OCA2: variants seen among roughly 807,000 people sequenced by gnomAD.
OCA2 encodes the protein P protein.
OCA2 carries 77 observed loss-of-function variants against 100.2 expected under a neutral mutation model. That is an observed-to-expected ratio of 0.77 (90% confidence interval 0.64 to 0.93). OCA2 has a LOEUF of 0.93. OCA2 is among the 40% of genes least tolerant of loss of function. The probability of loss-of-function intolerance (pLI) is 0.00; values close to 1 mark genes in which losing one functional copy is unlikely to be tolerated. For synonymous variants in OCA2, 432 were observed against 439.2 expected (o/e 0.98, Z 0.21); for missense variants, 1,062 against 1,089.1 (o/e 0.98, Z 0.35).
chr15:27,843,688 C>A (rs1349149759), intron 23 of OCA2, among the ~76,000 whole-genome samples: 1 of 152,156 alleles, frequency 6.6e-6, no homozygotes, highest in Non-Finnish European at 1.5e-5. Context: ...CAAATTAATG[C>A]CTCAGCAAAA....
chr15:28,005,529 C>A (rs907360512), intron 9 of OCA2, among the ~76,000 whole-genome samples: 19 of 152,126 alleles, frequency 1.2e-4, no homozygotes, highest in African/African-American at 4.6e-4. Context: ...CTCACCTTCC[C>A]CTAACACCCA....
At chr15:28,090,129 G>T (rs2044847642) in intron 1 of OCA2, among the ~76,000 whole-genome samples, 1 of 152,052 alleles carries the variant, frequency 6.6e-6, no homozygotes, top group South Asian at 2.1e-4. Flanking sequence ...TGATAAAAAG[G>T]TCACTTTACC....
chr15:27,747,133 C>T, the OCA2 span, among the ~76,000 whole-genome samples: 1 of 152,178 alleles, frequency 6.6e-6, no homozygotes, highest in African/African-American at 2.4e-5. Flanking sequence ...CAGTGAGCAC[C>T]TCCAGCCCCC....
Position 27,851,421 on chromosome 15 carries a change from G to A in OCA2, c.2299C>T (p.Pro767Ser). ...CCGAAGGCCAGGGCATACATGAGCG[G>A]CGGTGCGGGCAGGCCAACCTCAGGG... ...HDPEVGLPAP[P>S]LMYALAFGAC... Residue 767 changes from proline to serine, a missense_variant, in exon 22 of 24, where the codon CCG (proline) becomes TCG (serine). Coordinates refer to ENST00000354638, the MANE Select transcript of OCA2 (RefSeq NM_000275.3). 3 of 1,614,010 alleles carry A rather than the reference G, an allele frequency of 1.9e-6. No individual in the cohort carries two copies. Among genetic ancestry groups the A allele is most frequent in the Non-Finnish European group, 2.5e-6 (3 of 1,179,986 alleles).
intron 18 of OCA2, among the ~76,000 whole-genome samples, chr15:27,944,543 C>G (rs1440574637): frequency 6.6e-6 from 1 of 152,144 alleles, no homozygotes; most frequent in African/African-American, 2.4e-5. Context: ...TATTGGAGAG[C>G]CTAAGACTGG....
rs906070040 is a variant in OCA2 at position 28,079,278 on chromosome 15, C to G, written c.227+2370G>C. Among the ~76,000 whole-genome samples, 3 of 149,304 alleles carry G rather than the reference C, an allele frequency of 2.0e-5. No individual in the cohort carries two copies. In the East Asian group the frequency reaches 6.0e-4, roughly 30 times the overall value. On this transcript the variant is annotated intron_variant, in intron 2 of 23. Transcript: ENST00000354638. Reference sequence around the variant, plus strand: ...ATGGTAGATTCAAAGACTTACGTATCTTTTCTCTGATAAGATTACTGTTTT... The same window carrying G: ...ATGGTAGATTCAAAGACTTACGTATGTTTTCTCTGATAAGATTACTGTTTT...
chr15:27,986,808 C>T (rs2041369908), intron 11 of OCA2, among the ~76,000 whole-genome samples, 165 bp from the exon 12 acceptor site: 1 of 152,210 alleles, frequency 6.6e-6, no homozygotes, highest in African/African-American at 2.4e-5. Context: ...TGGAATAGTA[C>T]ACTCACTCAC....
At chr15:28,021,608 G>A (rs543979611) in intron 6 of OCA2, among the ~76,000 whole-genome samples, 1 of 152,296 alleles carries the variant, frequency 6.6e-6, no homozygotes, top group Non-Finnish European at 1.5e-5. Flanking sequence ...TTTCCTCCAG[G>A]AACCCCAGCG....
chr15:28,066,713 C>G (rs2044035591), intron 2 of OCA2, among the ~76,000 whole-genome samples: 1 of 152,074 alleles, frequency 6.6e-6, no homozygotes, highest in Non-Finnish European at 1.5e-5. Flanking sequence ...CCTTTCTGAT[C>G]CTGAAGAGAT....
At chr15:27,828,719 T>C (rs188879473) in intron 23 of OCA2, among the ~76,000 whole-genome samples, 238 of 152,266 alleles carry the variant, frequency 1.6e-3, no homozygotes, top group Non-Finnish European at 2.8e-3. Context: ...TGATTACTTA[T>C]CTGGGACAAA....
At chr15:28,012,436 C>T (rs1298018835) in intron 9 of OCA2, among the ~76,000 whole-genome samples, 1 of 152,196 alleles carries the variant, frequency 6.6e-6, no homozygotes, top group Non-Finnish European at 1.5e-5. Context: ...CTCATGGAAT[C>T]CAGGGACTGC....
Position 28,084,023 on chromosome 15 carries a change from C to G in OCA2, c.-21-2128G>C, listed in dbSNP as rs536875870. ...CCCTGCCCTGTAATGGGATGGTATTCAGAGGTGGGGTCTCAGGGAGGTGAC... is the reference window on the plus strand; with the variant it reads ...CCCTGCCCTGTAATGGGATGGTATTGAGAGGTGGGGTCTCAGGGAGGTGAC... On this transcript the variant is annotated intron_variant, in intron 1 of 23. Coordinates refer to ENST00000354638, the MANE Select transcript of OCA2 (RefSeq NM_000275.3). Among the ~76,000 whole-genome samples the G allele has an allele frequency of 3.9e-5, 6 of 152,310 alleles. No individual in the cohort carries two copies. In the South Asian group the frequency reaches 1.2e-3, roughly 32 times the overall value.
At chr15:27,871,950 C>G (rs768234446) in intron 19 of OCA2, 28 bp from the exon 20 acceptor site, 7 of 1,534,786 alleles carry the variant, frequency 4.6e-6, no homozygotes, top group Non-Finnish European at 6.3e-6. Flanking sequence ...TGGTGAGAAT[C>G]AGTTTAGAAC....
rs148089693 is a variant in OCA2 at position 28,090,610 on chromosome 15, G to T, written c.-22+8614C>A. ...AAATAATCCAGGATTCAAAAAGAAAGTCTCAAGGGAAATCAGAATTATATT... is the reference window on the plus strand; with the variant it reads ...AAATAATCCAGGATTCAAAAAGAAATTCTCAAGGGAAATCAGAATTATATT... On this transcript the variant is annotated intron_variant, in intron 1 of 23. Coordinates refer to ENST00000354638, the MANE Select transcript of OCA2 (RefSeq NM_000275.3). Among the ~76,000 whole-genome samples the T allele has an allele frequency of 1.1e-4, 17 of 152,256 alleles. No homozygotes were observed. The East Asian group carries it at 3.3e-3, about 29-fold the overall frequency.
At chr15:28,063,366 T>C (rs1041549647) in intron 2 of OCA2, among the ~76,000 whole-genome samples, 1 of 152,164 alleles carries the variant, frequency 6.6e-6, no homozygotes, top group Non-Finnish European at 1.5e-5. Flanking sequence ...AGTCTGCCAA[T>C]TTCTGCCTTT....
At chr15:28,046,029 G>A (rs1485041890) in intron 2 of OCA2, among the ~76,000 whole-genome samples, 1 of 152,164 alleles carries the variant, frequency 6.6e-6, no homozygotes, top group Non-Finnish European at 1.5e-5. Context: ...TAGGGACCAC[G>A]TGTCCCACCC....
chr15:27,776,983 G>C (rs2032267332), intron 23 of OCA2, among the ~76,000 whole-genome samples: 1 of 148,550 alleles, frequency 6.7e-6, no homozygotes, highest in Non-Finnish European at 1.5e-5. Flanking sequence ...GTGGGGGGGG[G>C]TGGGGGGAGT....
intron 2 of OCA2, among the ~76,000 whole-genome samples, chr15:28,063,860 G>C (rs536370077): frequency 1.3e-5 from 2 of 152,244 alleles, no homozygotes; most frequent in South Asian, 4.1e-4. Context: ...TGTGTTTTAT[G>C]TTTTCCTATA....
At chr15:28,073,795 G>C (rs1465472051) in intron 2 of OCA2, among the ~76,000 whole-genome samples, 1 of 152,080 alleles carries the variant, frequency 6.6e-6, no homozygotes, top group East Asian at 1.9e-4. Context: ...ATGATTTCAT[G>C]TATATAACAT....
Sources: gnomAD v4.1 joint callset for allele counts (sites outside exome capture counted in the v4.1 genomes callset) on GRCh38, gnomAD v4.1.1 for gene constraint, MANE v1.5 for transcripts, NCBI Gene and HGNC (gene_info 2026-07-23, HGNC 2026-07-21) for gene names.